Variants in MALT1 observed in about 807,000 individuals in gnomAD.
MALT1 encodes the protein MALT1 paracaspase.
A neutral mutation model predicts 85.5 loss-of-function variants in MALT1; 36 were observed. The ratio of observed to expected loss-of-function variants is 0.42; its 90% CI spans 0.32 to 0.56. The LOEUF (loss-of-function observed/expected upper bound fraction) is 0.56, where lower values mean the gene tolerates loss of function less well. Among genes scored for constraint, MALT1 ranks in the 20% least tolerant of loss-of-function variants. MALT1 has a pLI of 0.10. For synonymous variants in MALT1, 359 were observed against 361.3 expected, an observed-to-expected ratio of 0.99 and a Z score of 0.07; for missense variants, 716 against 981.6, an observed-to-expected ratio of 0.73 and a Z score of 3.62.
In MALT1 at chr18:58,671,815, G is replaced by A; in HGVS notation, c.172G>A (p.Ala58Thr). ...CGAGGGCCGGGGCTGGAGGAGACTG[G>A]CGGAGCTGGCGGGGAGTCGCGGGCG... ...APEGRGWRRL[A>T]ELAGSRGRLR... Residue 58 changes from alanine (A) to threonine (T), a missense_variant, in exon 1 of 17, where the codon GCG becomes ACG. By Grantham distance (58) the Ala-to-Thr change is moderately conservative. This residue lies in a region of MALT1 where 290 missense variants were observed against 380.5 expected (regional missense o/e 0.76). Transcript: ENST00000649217. 1 of 1,236,260 alleles carries A rather than the reference G, an allele frequency of 8.1e-7. No homozygotes were observed. Among genetic ancestry groups the A allele is most frequent in the Non-Finnish European group, 1.0e-6 (1 of 990,784 alleles). The allele number at this position is 1,236,260 out of a possible 1,614,324, so 76.6% of individuals were successfully genotyped here.
intron 2 of MALT1, 27 bp downstream of exon 2, chr18:58,681,363 C>G (rs757254204): frequency 6.3e-7 from 1 of 1,590,866 alleles, no homozygotes; most frequent in South Asian, 1.1e-5. Context: ...GGATTATTCT[C>G]CAGGAGTTCA....
rs959932863 is a variant in MALT1, at chr18:58,745,846, C to G, written c.2037+55C>G. The G allele has an allele frequency of 4.6e-6, 7 of 1,533,674 alleles. No individual in the cohort carries two copies. The African/African-American group carries it at 9.7e-5, about 21-fold the overall frequency. ...ATGGAAAACTTTATGAAACTGGAAACTTATTTTGGCATAGACCATAGATAT... is the reference window on the plus strand; with the variant it reads ...ATGGAAAACTTTATGAAACTGGAAAGTTATTTTGGCATAGACCATAGATAT... On this transcript the variant is annotated intron_variant, in intron 16 of 16. Transcript: ENST00000649217.
At chr18:58,678,381 A>G (rs1289021512) in intron 1 of MALT1, among the ~76,000 whole-genome samples, 1 of 152,210 alleles carries the variant, frequency 6.6e-6, no homozygotes, top group African/African-American at 2.4e-5. Context: ...ATTGAAATTC[A>G]TTCAGTAATC....
intron 9 of MALT1, among the ~76,000 whole-genome samples, chr18:58,718,713 G>A (rs2054939116): frequency 6.6e-6 from 1 of 152,114 alleles, no homozygotes; most frequent in Non-Finnish European, 1.5e-5. Context: ...ACTAATAGGA[G>A]GCAGACATTA....
At chr18:58,692,428 C>CTCTCTCTCTT (rs2054521445) in intron 2 of MALT1, among the ~76,000 whole-genome samples, 1 of 103,982 alleles carries the variant, frequency 9.6e-6, no homozygotes, top group South Asian at 3.1e-4. Flanking sequence ...CTCTCTCTCT[C>CTCTCTCTCTT]TCTCTCTCAC....
intron 2 of MALT1, among the ~76,000 whole-genome samples, chr18:58,694,545 A>G (rs4940741): frequency 6.6e-6 from 1 of 152,002 alleles, no homozygotes. Flanking sequence ...CTTTTTCTTT[A>G]CTTCCTAAAA....
chr18:58,721,367 C>T (rs562395381), intron 9 of MALT1, among the ~76,000 whole-genome samples: 36 of 152,148 alleles, frequency 2.4e-4, no homozygotes, highest in Non-Finnish European at 3.1e-4. Context: ...GCAACAAGAG[C>T]GAAACTCCGT....
chr18:58,706,444 C>T (rs555762998), intron 4 of MALT1, among the ~76,000 whole-genome samples: 2 of 152,278 alleles, frequency 1.3e-5, no homozygotes, highest in Middle Eastern at 3.4e-3. Flanking sequence ...CGTGAGCCAC[C>T]GCGCCCAGCC....
intron 2 of MALT1, chr18:58,691,141 AC>A (rs1387646548): frequency 1.2e-5 from 3 of 245,016 alleles, no homozygotes; most frequent in African/African-American, 2.4e-5. Context: ...GGTTGAAGCT[AC>A]TAAAAATCAT....
intron 16 of MALT1, among the ~76,000 whole-genome samples, chr18:58,746,800 T>C (rs1275002008): frequency 6.6e-6 from 1 of 152,092 alleles, no homozygotes; most frequent in East Asian, 1.9e-4. Context: ...CGATCTCAGC[T>C]CACTGCAACC....
chr18:58,725,930 G>A (rs1762933976), intron 10 of MALT1, among the ~76,000 whole-genome samples: 1 of 152,028 alleles, frequency 6.6e-6, no homozygotes, highest in African/African-American at 2.4e-5. Flanking sequence ...GCGTGATGGT[G>A]GGCACCTGTA....
intron 13 of MALT1, among the ~76,000 whole-genome samples, chr18:58,736,992 T>G (rs1486556595): frequency 2.6e-5 from 4 of 152,224 alleles, no homozygotes; most frequent in Non-Finnish European, 5.9e-5. Context: ...GTCATCCAAT[T>G]TTGAAACAAA....
At position 58,691,361 on chromosome 18, in the gene MALT1, C is replaced by T; in HGVS notation, c.377-5005C>T. 6 of 840,358 alleles carry T rather than the reference C, an allele frequency of 7.1e-6. No individual in the cohort carries two copies. The South Asian group carries it at 8.2e-5, about 12-fold the overall frequency. The allele number at this position is 840,358 out of a possible 1,614,324, so 52.1% of individuals were successfully genotyped here. ...TGATCCTGTTTGCTTTTGGCATTGC[C>T]CTGGCTCAGGCCCAGCTCCTCTGTG... On this transcript the variant is annotated intron_variant, in intron 2 of 16. Transcript: ENST00000649217.
At chr18:58,743,057 ATATCTT>A (rs1568156638) in intron 14 of MALT1, among the ~76,000 whole-genome samples, 1 of 152,168 alleles carries the variant, frequency 6.6e-6, no homozygotes, top group Admixed American at 6.5e-5. Flanking sequence ...CTTCTATAAA[ATATCTT>A]TATTTTCATA....
At chr18:58,674,429 A>T (rs1211694682) in intron 1 of MALT1, among the ~76,000 whole-genome samples, 1 of 152,148 alleles carries the variant, frequency 6.6e-6, no homozygotes, top group African/African-American at 2.4e-5. Context: ...GTCTGATGAG[A>T]GGCAGATGAG....
intron 1 of MALT1, among the ~76,000 whole-genome samples, chr18:58,673,375 A>G (rs1265460355): frequency 1.3e-5 from 2 of 152,202 alleles, no homozygotes; most frequent in African/African-American, 4.8e-5. Context: ...TATTGAGGAC[A>G]TGGTATGTAC....
intron 10 of MALT1, among the ~76,000 whole-genome samples, chr18:58,730,713 C>G (rs116278271): frequency 6.6e-6 from 1 of 152,176 alleles, no homozygotes; most frequent in Non-Finnish European, 1.5e-5. Flanking sequence ...AAAACTCTTT[C>G]CAAAGTTCTT....
At chr18:58,700,619 G>T (rs1568134081) in intron 4 of MALT1, 28 bp downstream of exon 4, 1 of 1,557,014 alleles carries the variant, frequency 6.4e-7, no homozygotes, top group Non-Finnish European at 8.6e-7. Context: ...CTGAATGTTG[G>T]GATGGGGATT....
At chr18:58,698,896 G>C (rs1486686602) in intron 3 of MALT1, among the ~76,000 whole-genome samples, 1 of 152,204 alleles carries the variant, frequency 6.6e-6, no homozygotes, top group Non-Finnish European at 1.5e-5. Flanking sequence ...CATTGTGACC[G>C]TAAAGTCCCC....
Sources: gnomAD v4.1 joint callset for allele counts (sites outside exome capture counted in the v4.1 genomes callset) on GRCh38, gnomAD v4.1.1 for gene constraint, gnomAD v4.1.1 regional missense constraint, MANE v1.5 for transcripts, NCBI Gene and HGNC (gene_info 2026-07-23, HGNC 2026-07-21) for gene names.